MANSC1: variants seen among roughly 807,000 people sequenced by gnomAD.
The protein encoded by MANSC1 is MANSC domain containing 1, also known as MANSC domain-containing protein 1.
MANSC1 carries 13 observed loss-of-function variants against 14.1 expected under a neutral mutation model. The ratio of observed to expected loss-of-function variants is 0.92; its 90% CI spans 0.60 to 1.46. MANSC1 has a LOEUF of 1.46. Among genes scored for constraint, MANSC1 ranks in the 40% most tolerant of loss-of-function variants. The probability of loss-of-function intolerance (pLI) is 0.00; values close to 1 mark genes in which losing one functional copy is unlikely to be tolerated. For synonymous variants in MANSC1, 227 were observed against 200.7 expected (o/e 1.13, Z -1.11); for missense variants, 486 against 511.4 (o/e 0.95, Z 0.48).
chr12:12,338,918 C>CACACACA (rs1565800326), intron 2 of MANSC1: 180 of 249,672 alleles, frequency 7.2e-4, no homozygotes, highest in South Asian at 1.3e-3. Context: ...CACACACACA[C>CACACACA]CCCTAAGACC....
At chr12:12,339,517 G>C (rs1032320708) in intron 2 of MANSC1, among the ~76,000 whole-genome samples, 5 of 151,768 alleles carry the variant, frequency 3.3e-5, no homozygotes, top group Non-Finnish European at 5.9e-5. Context: ...GTTTGCCCTA[G>C]TTGGCCTCTG....
In MANSC1 at chr12:12,335,380, G is replaced by A. The variant is rs112608511; in HGVS notation, c.364+3040C>T. 7.2e-3 allele frequency among the ~76,000 whole-genome samples: 1,091 copies of A among 150,610 alleles called. 11 individuals carry two copies. Among genetic ancestry groups the A allele is most frequent in the African/African-American group, 0.024 (992 of 41,012 alleles). Reference sequence around the variant, plus strand: ...CCCCGAGACAGAGTCTTGCTCTGTCGTGCAGGCTAGAGTGCAGTGGCGCAA... The same window carrying A: ...CCCCGAGACAGAGTCTTGCTCTGTCATGCAGGCTAGAGTGCAGTGGCGCAA... On this transcript the variant is annotated intron_variant, in intron 3 of 3. Coordinates refer to ENST00000535902, the MANE Select transcript of MANSC1 (RefSeq NM_018050.4).
chr12:12,338,837 C>G (rs1198009176), intron 2 of MANSC1: 1 of 469,188 alleles, frequency 2.1e-6, no homozygotes, highest in Non-Finnish European at 3.9e-6. Context: ...AAAGCAAAGT[C>G]TTTAAAGGCC....
intron 3 of MANSC1, among the ~76,000 whole-genome samples, chr12:12,335,286 T>C (rs1862843139): frequency 1.3e-5 from 2 of 151,994 alleles, no homozygotes; most frequent in Admixed American, 1.3e-4. Flanking sequence ...ACTTTGCTGC[T>C]GTGTCACTGT....
chr12:12,334,831 G>A (rs1862837468), intron 3 of MANSC1, among the ~76,000 whole-genome samples: 1 of 152,096 alleles, frequency 6.6e-6, no homozygotes, highest in African/African-American at 2.4e-5. Context: ...TGTGCTTCAC[G>A]CTCCTGTTTG....
Position 12,328,412 on chromosome 12 carries a change from A to G in MANSC1, c.*1615T>C, listed in dbSNP as rs1325198346. The G allele has an allele frequency of 6.6e-6, 1 of 151,600 alleles. No homozygotes were observed. The highest frequency in any genetic ancestry group is 2.4e-5 in the African/African-American group (1 of 41,258). 9.4% of individuals were successfully genotyped at this position (151,600 alleles called of 1,614,324 possible). On this transcript the variant is annotated 3_prime_UTR_variant, in exon 4 of 4. Coordinates refer to ENST00000535902, the MANE Select transcript of MANSC1 (RefSeq NM_018050.4). ...GCTGGAACTACAGGCGCCCGCCACC[A>G]CGCCCGGCTAATTTTTTGTATTTTT...
chr12:12,344,533 A>T (rs1351664233), intron 1 of MANSC1, among the ~76,000 whole-genome samples: 1 of 150,892 alleles, frequency 6.6e-6, no homozygotes, highest in African/African-American at 2.4e-5. Context: ...GCAGTGGCAC[A>T]ATCTCGGCTC....
At chr12:12,338,360 C>T in intron 3 of MANSC1, 60 bp downstream of exon 3, 2 of 1,404,268 alleles carry the variant, frequency 1.4e-6, no homozygotes, top group Non-Finnish European at 1.9e-6. Context: ...GAAAATCTTT[C>T]ACATGAACCA....
intron 1 of MANSC1, among the ~76,000 whole-genome samples, chr12:12,347,716 T>A (rs543730158): frequency 6.6e-6 from 1 of 152,206 alleles, no homozygotes; most frequent in Non-Finnish European, 1.5e-5. Context: ...CCTATGAGAA[T>A]GGCTAAAATC....
intron 1 of MANSC1, among the ~76,000 whole-genome samples, chr12:12,348,717 CAAA>C (rs58073340): frequency 3.0e-5 from 4 of 135,004 alleles, no homozygotes; most frequent in African/African-American, 8.5e-5. Flanking sequence ...AAGGTAAAAC[CAAA>C]AAAAAAAAAA....
At chr12:12,347,830 G>A (rs1364503500) in intron 1 of MANSC1, among the ~76,000 whole-genome samples, 2 of 152,126 alleles carry the variant, frequency 1.3e-5, no homozygotes, top group Non-Finnish European at 2.9e-5. Flanking sequence ...AGGCCAAGGT[G>A]GGCAGATCAC....
chr12:12,348,717 C>CAAAAAA (rs58073340), intron 1 of MANSC1, among the ~76,000 whole-genome samples: 1 of 135,006 alleles, frequency 7.4e-6, no homozygotes, highest in Non-Finnish European at 1.6e-5. Flanking sequence ...AAGGTAAAAC[C>CAAAAAA]AAAAAAAAAA....
At chr12:12,338,844 G>T in intron 2 of MANSC1, 1 of 451,382 alleles carries the variant, frequency 2.2e-6, no homozygotes, top group Non-Finnish European at 4.0e-6. Context: ...AGTCTTTAAA[G>T]GCCAAGAAGG....
At position 12,330,570 on chromosome 12, in the gene MANSC1, A is replaced by G; in HGVS notation, c.753T>C (p.Asn251=). The G allele has an allele frequency of 6.2e-7, 1 of 1,614,188 alleles. No homozygotes were observed. Among genetic ancestry groups the G allele is most frequent in the South Asian group, 1.1e-5 (1 of 91,084 alleles). ...TPKPATLLPT[N]ASVTPSGTSQ... Reference sequence around the variant, plus strand: ...AAGTCCCAGAAGGTGTCACTGAAGCATTGGTGGGTAGAAGGGTGGCGGGCT... The same window carrying G: ...AAGTCCCAGAAGGTGTCACTGAAGCGTTGGTGGGTAGAAGGGTGGCGGGCT... Residue 251 remains asparagine (N), a synonymous_variant, in exon 4 of 4, where the codon AAT becomes AAC. Coordinates refer to ENST00000535902, the MANE Select transcript of MANSC1 (RefSeq NM_018050.4).
chr12:12,333,060 T>TATATATATATATA (rs1565794685), intron 3 of MANSC1, among the ~76,000 whole-genome samples: 2 of 148,634 alleles, frequency 1.3e-5, no homozygotes, highest in Admixed American at 6.7e-5. Context: ...TATATATATA[T>TATATATATATATA]TTTTGAGACA....
chr12:12,343,176 T>C lies in MANSC1; in HGVS notation c.139A>G (p.Lys47Glu), dbSNP rs753843925. 1 of 1,613,962 alleles carries C rather than the reference T, an allele frequency of 6.2e-7. No individual in the cohort carries two copies. The highest frequency in any genetic ancestry group is 8.5e-7 in the Non-Finnish European group (1 of 1,179,812). The change falls in exon 2 of 4, where the codon AAG becomes GAG. Residue 47 changes from lysine (K) to glutamate (E), a missense_variant. By Grantham distance (56) the Lys-to-Glu change is moderately conservative. Transcript: ENST00000535902. ...VVIDIQSSLS[K>E]GIRGNEPVYT... is the part of the protein sequence containing the mutation. ...ACGGGCTCATTGCCTCTGATTCCCT[T>C]AGAAAGAGATGACTGGATGTCAATG...
Position 12,330,379 on chromosome 12 carries a change from C to A in MANSC1, c.944G>T (p.Gly315Val). Reference protein sequence around the residue: ...TTFQAPTDSKGSLETIPFTEI... With the variant: ...TTFQAPTDSKVSLETIPFTEI... ...TGTAAACGGTATGGTTTCTAAGCTG[C>A]CTTTCGAGTCCGTAGGTGCCTGAAA... The change falls in exon 4 of 4, where the codon GGC (glycine) becomes GTC (valine). Residue 315 changes from glycine (G) to valine (V), a missense_variant. Coordinates refer to ENST00000535902, the MANE Select transcript of MANSC1 (RefSeq NM_018050.4). 3 of 1,614,214 alleles carry A rather than the reference C, an allele frequency of 1.9e-6. No individual in the cohort carries two copies. Among genetic ancestry groups the A allele is most frequent in the Non-Finnish European group, 2.5e-6 (3 of 1,180,046 alleles).
rs1177580526 is a variant in MANSC1, at chr12:12,329,971, T to G, written c.*56A>C. 2 of 1,434,394 alleles carry G rather than the reference T, an allele frequency of 1.4e-6. No individual in the cohort carries two copies. Among genetic ancestry groups the G allele is most frequent in the East Asian group, 4.6e-5 (2 of 43,868 alleles). 88.9% of individuals were successfully genotyped at this position (1,434,394 alleles called of 1,614,324 possible). A position where few individuals can be genotyped will look rare whatever the true frequency, so the allele number is the denominator to read the frequency against. On this transcript the variant is annotated 3_prime_UTR_variant, in exon 4 of 4. Coordinates refer to ENST00000535902, the MANE Select transcript of MANSC1 (RefSeq NM_018050.4). ...CTAAGACTAGCAAGTCAGCAGAAACTCATTGCATTTGGGCTTCTGGTTACT... is the reference window on the plus strand; with the variant it reads ...CTAAGACTAGCAAGTCAGCAGAAACGCATTGCATTTGGGCTTCTGGTTACT...
chr12:12,345,820 T>TATGTAG (rs1335514792), intron 1 of MANSC1, among the ~76,000 whole-genome samples: 5 of 152,184 alleles, frequency 3.3e-5, no homozygotes, highest in African/African-American at 1.2e-4. Flanking sequence ...TAAAATGGAA[T>TATGTAG]ATGTAGGATT....
Sources: gnomAD v4.1 joint callset for allele counts (sites outside exome capture counted in the v4.1 genomes callset) on GRCh38, gnomAD v4.1.1 for gene constraint, MANE v1.5 for transcripts, NCBI Gene and HGNC (gene_info 2026-07-23, HGNC 2026-07-21) for gene names.